GPM6B: variants seen among roughly 807,000 people sequenced by gnomAD.
GPM6B encodes neuronal membrane glycoprotein M6-b.
Under a neutral mutation model 27.2 loss-of-function variants are expected in GPM6B, and 4 were observed. The observed-to-expected ratio is 0.15, with a 90% CI of 0.07 to 0.34. GPM6B has a LOEUF of 0.34. Ranked by LOEUF, GPM6B falls within the 10% of genes least tolerant of loss-of-function variation. GPM6B has a pLI of 1.00. For missense variants in GPM6B, 183 were observed against 261.9 expected (o/e 0.70, Z 2.08); for synonymous variants, 124 against 103.1 (o/e 1.20, Z -1.23).
upstream of GPM6B, among the ~76,000 whole-genome samples, chrX:13,819,943 A>G (rs2049289092): frequency 8.9e-6 from 1 of 111,775 alleles, no homozygotes; most frequent in African/African-American, 3.3e-5. Flanking sequence ...GAGTTCTAGG[A>G]AAAACTGAAG....
At chrX:13,918,093 G>T (rs1461977030) in intron 1 of GPM6B, among the ~76,000 whole-genome samples, 1 of 113,058 alleles carries the variant, frequency 8.8e-6, no homozygotes, top group Non-Finnish European at 1.9e-5. Context: ...CCTGTCACCA[G>T]AAGAAAGTGC....
At chrX:13,781,034 T>C (rs1431859805) in intron 4 of GPM6B, 1 of 275,353 alleles carries the variant, frequency 3.6e-6, no homozygotes, top group Non-Finnish European at 7.1e-6. Context: ...AGAAGCAGAT[T>C]TCAGCAGTTC....
intron 1 of GPM6B, among the ~76,000 whole-genome samples, chrX:13,936,239 C>T (rs1384894044): frequency 1.8e-5 from 2 of 112,050 alleles, no homozygotes; most frequent in East Asian, 5.6e-4. Flanking sequence ...CAATGAAAAA[C>T]CCATGTTTTC....
At chrX:13,802,494 AC>A (rs994878900) in intron 2 of GPM6B, among the ~76,000 whole-genome samples, 3 of 110,708 alleles carry the variant, frequency 2.7e-5, no homozygotes, top group South Asian at 3.8e-4. Context: ...ACGTTCAAAA[AC>A]AATCAAGAAA....
At position 13,807,685 on chromosome X, in the gene GPM6B, G is replaced by T; in HGVS notation, c.146C>A (p.Thr49Asn). 1 of 1,205,066 alleles carries T rather than the reference G, an allele frequency of 8.3e-7. No individual in the cohort carries two copies. The highest frequency in any genetic ancestry group is 1.8e-5 in the South Asian group (1 of 56,211). ...SKNHQYHPVP[T>N]LGDRASPLSS... ...CAAGGGGCTAGCCCTGTCCCCCAGG[G>T]TTGGCACGGGATGGTACTGGTGGTT... The change falls in exon 2 of 8, where the codon ACC becomes AAC. Residue 49 changes from threonine (T) to asparagine (N), a missense_variant. Physicochemically the swap from Thr to Asn is moderately conservative, Grantham distance 65. Transcript: ENST00000316715.
At position 13,785,808 on chromosome X, in the gene GPM6B, C is replaced by G. The variant is rs755205291; in HGVS notation, c.182G>C (p.Gly61Ala). Residue 61 changes from glycine to alanine, a missense_variant and splice_region_variant, in exon 3 of 8, where the codon GGC becomes GCC. By Grantham distance (60) the Gly-to-Ala change is moderately conservative. Transcript: ENST00000316715. ...ACACTTGATGCAGCATTCAAAGCAGCCTGAACCCAAAGGAGAGAAAATATA... is the reference window on the plus strand; with the variant it reads ...ACACTTGATGCAGCATTCAAAGCAGGCTGAACCCAAAGGAGAGAAAATATA... ...GDRASPLSSP[G>A]CFECCIKCLG... is the part of the protein sequence containing the mutation. 10 of 1,200,160 alleles carry G rather than the reference C, an allele frequency of 8.3e-6. No individual in the cohort carries two copies. Among genetic ancestry groups the G allele is most frequent in the East Asian group, 3.0e-5 (1 of 33,549 alleles).
At chrX:13,832,716 G>A in intron 1 of GPM6B, among the ~76,000 whole-genome samples, 1 of 111,902 alleles carries the variant, frequency 8.9e-6, no homozygotes, top group South Asian at 3.7e-4. Context: ...TTAGAAGTAG[G>A]ATGAAGTCAT....
At chrX:13,820,339 G>A (rs1009951943), upstream of GPM6B, among the ~76,000 whole-genome samples, 1 of 110,968 alleles carries the variant, frequency 9.0e-6, no homozygotes, top group African/African-American at 3.3e-5. Context: ...GGGGAGGCTA[G>A]AGTTTCTAGC....
At chrX:13,797,561 C>G (rs1197175310) in intron 2 of GPM6B, among the ~76,000 whole-genome samples, 2 of 111,076 alleles carry the variant, frequency 1.8e-5, no homozygotes, top group Non-Finnish European at 3.8e-5. Flanking sequence ...CCCCCATTGC[C>G]TGGTCCATGG....
At chrX:13,844,167 T>G in intron 1 of GPM6B, among the ~76,000 whole-genome samples, 1 of 112,452 alleles carries the variant, frequency 8.9e-6, no homozygotes, top group East Asian at 2.8e-4. Context: ...CTTTCCCCAC[T>G]GAATTGTCTT....
upstream of GPM6B, chrX:13,938,630 GGCTGCGCTGC>G (rs1034420516): frequency 2.9e-6 from 1 of 338,995 alleles, no homozygotes; most frequent in Non-Finnish European, 4.7e-6. Context: ...GGCTTCTGCG[GGCTGCGCTGC>G]GCTGCGCGGG....
At chrX:13,919,050 A>C (rs1246798059) in intron 1 of GPM6B, among the ~76,000 whole-genome samples, 1 of 111,750 alleles carries the variant, frequency 8.9e-6, no homozygotes, top group African/African-American at 3.3e-5. Context: ...ATTGCGGCCA[A>C]AGTTTTCATC....
At position 13,793,199 on chromosome X, in the gene GPM6B, C is replaced by T. The variant is rs373384086; in HGVS notation, c.182-7391G>A. On this transcript the variant is annotated intron_variant, in intron 2 of 7. Coordinates refer to ENST00000316715, the MANE Select transcript of GPM6B (RefSeq NM_001001995.3). ...AGGATAAAACTTTGCTCTCCACAACCCCTTATCATCATAACCCAGACATTC... is the reference window on the plus strand; with the variant it reads ...AGGATAAAACTTTGCTCTCCACAACTCCTTATCATCATAACCCAGACATTC... Among the ~76,000 whole-genome samples the T allele has an allele frequency of 1.5e-3, 167 of 111,319 alleles. 1 individual carries two copies. The highest frequency in any genetic ancestry group is 5.3e-3 in the African/African-American group (163 of 30,679).
chrX:13,785,602 A>G lies in GPM6B; in HGVS notation c.368+20T>C, dbSNP rs367969424. 1 of 1,200,562 alleles carries G rather than the reference A, an allele frequency of 8.3e-7. No homozygotes were observed. Among genetic ancestry groups the G allele is most frequent in the African/African-American group, 1.8e-5 (1 of 57,047 alleles). ...CACGCCAGGCCTTAGATGCATTTTT[A>G]AAGGGAACCGGATACTTACACCTCG... On this transcript the variant is annotated intron_variant, in intron 3 of 7. Coordinates refer to ENST00000316715, the MANE Select transcript of GPM6B (RefSeq NM_001001995.3).
At chrX:13,774,008 A>G (rs1427490604) in intron 7 of GPM6B, 6 of 676,339 alleles carry the variant, frequency 8.9e-6, no homozygotes, top group South Asian at 7.7e-5. Context: ...TTTTTCTTCA[A>G]ATTTTCATCT....
At chrX:13,827,218 A>G (rs1457533925) in intron 1 of GPM6B, among the ~76,000 whole-genome samples, 1 of 104,903 alleles carries the variant, frequency 9.5e-6, no homozygotes, top group Non-Finnish European at 1.9e-5. Flanking sequence ...CCTGAAAGGC[A>G]CGGGCTAAAG....
At chrX:13,774,173 T>C (rs931156257) in intron 7 of GPM6B, 2 of 758,774 alleles carry the variant, frequency 2.6e-6, no homozygotes, top group African/African-American at 4.6e-5. Context: ...TTGTTTTCAT[T>C]TTCATCATTG....
rs2048553961 is a variant in GPM6B at position 13,783,408 on chromosome X, C to T, written c.482G>A (p.Gly161Asp). 2 of 1,203,039 alleles carry T rather than the reference C, an allele frequency of 1.7e-6. No homozygotes were observed. Among genetic ancestry groups the T allele is most frequent in the Non-Finnish European group, 2.2e-6 (2 of 890,896 alleles). Residue 161 changes from glycine to aspartate, a missense_variant, in exon 4 of 8, where the codon GGT becomes GAT. Transcript: ENST00000316715. ...GCCACAAGCGGTTGTTTTAAACTCA[C>T]CGTGCAGTTCTTTCACTGCACTTGT... ...YTTSAVKELH[G>D]EFKTTACGRC... is the part of the protein sequence containing the mutation.
chrX:13,809,668 G>A (rs2049088580), intron 1 of GPM6B, among the ~76,000 whole-genome samples: 1 of 110,484 alleles, frequency 9.1e-6, no homozygotes, highest in Non-Finnish European at 1.9e-5. Flanking sequence ...CAGGTGTGGT[G>A]GCTCATGCCT....
Sources: allele counts gnomAD v4.1 joint callset (sites outside exome capture counted in the v4.1 genomes callset), GRCh38; gene constraint gnomAD v4.1.1; transcripts MANE v1.5; gene names NCBI Gene and HGNC (gene_info 2026-07-23, HGNC 2026-07-21).